Variants in CORO2B observed in about 807,000 individuals in gnomAD.
CORO2B encodes coronin 2B.
Under a neutral mutation model 58.8 loss-of-function variants are expected in CORO2B, and 26 were observed. The ratio of observed to expected loss-of-function variants is 0.44; its 90% CI spans 0.32 to 0.61. The LOEUF is 0.61. Among genes scored for constraint, CORO2B ranks in the 20% least tolerant of loss-of-function variants. The pLI is 0.04. For synonymous variants in CORO2B, 242 were observed against 253.8 expected (o/e 0.95, Z 0.44); for missense variants, 460 against 645.1 (o/e 0.71, Z 3.11).
At chr15:68,616,675 C>CTAGCCCTCGCCCATGG in intron 1 of CORO2B, 1 of 940,928 alleles carries the variant, frequency 1.1e-6, no homozygotes, top group Non-Finnish European at 1.3e-6. Flanking sequence ...ATGTCATCTG[C>CTAGCCCTCGCCCATGG]GAGATCTCCC....
At chr15:68,656,144 A>AC (rs1248760813) in intron 2 of CORO2B, among the ~76,000 whole-genome samples, 2 of 102,808 alleles carry the variant, frequency 1.9e-5, no homozygotes, top group Admixed American at 1.0e-4. Context: ...ACTGCTGCCC[A>AC]CCCCTCCCCC....
chr15:68,692,598 T>TA (rs78604550), intron 2 of CORO2B, among the ~76,000 whole-genome samples: 89,410 of 143,440 alleles, frequency 0.62, 29,967 homozygotes, highest in East Asian at 0.93. Context: ...AGCAAATAAA[T>TA]AAAAAAAATT....
chr15:68,569,289 C>CTGT, the CORO2B span, among the ~76,000 whole-genome samples: 74 of 152,328 alleles, frequency 4.9e-4, no homozygotes, highest in Non-Finnish European at 8.5e-4. Flanking sequence ...TGTGCTCCAC[C>CTGT]TGTTCATCCC....
At chr15:68,701,478 A>ATTTTTTTTTTTT (rs71145193) in intron 3 of CORO2B, among the ~76,000 whole-genome samples, 1 of 38,850 alleles carries the variant, frequency 2.6e-5, no homozygotes, top group Non-Finnish European at 4.5e-5. Flanking sequence ...CGCCCGGCTA[A>ATTTTTTTTTTTT]TTTTTTTTTT....
intron 1 of CORO2B, among the ~76,000 whole-genome samples, chr15:68,587,091 C>A (rs1265157413): frequency 7.1e-6 from 1 of 140,272 alleles, no homozygotes; most frequent in East Asian, 2.1e-4. Flanking sequence ...CACACACACA[C>A]ACACAATTTT....
chr15:68,677,277 A>G (rs1902619659), intron 2 of CORO2B, among the ~76,000 whole-genome samples: 1 of 152,048 alleles, frequency 6.6e-6, no homozygotes, highest in Non-Finnish European at 1.5e-5. Context: ...GGTCATTCCC[A>G]CTGGGCCTGA....
chr15:68,637,957 T>C (rs776269941), intron 1 of CORO2B, among the ~76,000 whole-genome samples: 4 of 152,240 alleles, frequency 2.6e-5, no homozygotes, highest in South Asian at 2.1e-4. Flanking sequence ...GAGGACAGGA[T>C]ACAATTTGCT....
Position 68,725,852 on chromosome 15 carries a change from A to G in CORO2B, c.1321A>G (p.Met441Val), listed in dbSNP as rs1302124016. 4 of 1,613,658 alleles carry G rather than the reference A, an allele frequency of 2.5e-6. No homozygotes were observed. Among genetic ancestry groups the G allele is most frequent in the Non-Finnish European group, 2.5e-6 (3 of 1,179,954 alleles). ...PPRTENELLR[M>V]FFRQQDEIRR... ...TCTTCCTCCACCCCAGCTCCTTCGA[A>G]TGTTCTTCCGGCAGCAGGATGAGAT... The change falls in exon 12 of 12, where the codon ATG becomes GTG. Residue 441 changes from methionine (M) to valine (V), a missense_variant. Coordinates refer to ENST00000261861, the MANE Select transcript of CORO2B (RefSeq NM_006091.5).
the CORO2B span, among the ~76,000 whole-genome samples, chr15:68,541,054 A>G: frequency 1.3e-5 from 2 of 151,976 alleles, no homozygotes; most frequent in African/African-American, 4.8e-5. Context: ...ATATTGTAAA[A>G]CCCCATCTCT....
chr15:68,623,376 C>A (rs939106265), intron 1 of CORO2B, among the ~76,000 whole-genome samples: 1 of 152,084 alleles, frequency 6.6e-6, no homozygotes, highest in Non-Finnish European at 1.5e-5. Context: ...CTTTGCACCA[C>A]CATTGGAAGG....
chr15:68,554,038 C>T, the CORO2B span, among the ~76,000 whole-genome samples: 1 of 152,072 alleles, frequency 6.6e-6, no homozygotes, highest in African/African-American at 2.4e-5. Context: ...GAGCAGTAGT[C>T]CAGAAGGAAG....
intron 1 of CORO2B, among the ~76,000 whole-genome samples, chr15:68,635,165 C>T (rs546006493): frequency 2.0e-4 from 30 of 152,298 alleles, no homozygotes; most frequent in African/African-American, 6.0e-4. Flanking sequence ...AGGTTTTCCA[C>T]CTTCACTCCT....
intron 1 of CORO2B, among the ~76,000 whole-genome samples, chr15:68,588,998 T>G (rs1899635892): frequency 6.6e-6 from 1 of 152,214 alleles, no homozygotes; most frequent in African/African-American, 2.4e-5. Context: ...CTGATAACTT[T>G]ATCATCACAA....
intron 11 of CORO2B, among the ~76,000 whole-genome samples, chr15:68,725,493 T>C (rs2034168735): frequency 6.6e-6 from 1 of 152,060 alleles, no homozygotes; most frequent in African/African-American, 2.4e-5. Flanking sequence ...TAATAATACA[T>C]CTATTAATAC....
the CORO2B span, among the ~76,000 whole-genome samples, chr15:68,544,631 T>A: frequency 6.6e-6 from 1 of 152,108 alleles, no homozygotes; most frequent in Admixed American, 6.5e-5. Flanking sequence ...TTGATTTTGG[T>A]CTCCATTATG....
upstream of CORO2B, among the ~76,000 whole-genome samples, chr15:68,575,581 C>CCCCA (rs1028353064): frequency 1.1e-5 from 1 of 92,902 alleles, no homozygotes; most frequent in Non-Finnish European, 2.7e-5. Context: ...TGATCTGCCC[C>CCCCA]CGCCTCGGCC....
chr15:68,546,321 T>C, the CORO2B span, among the ~76,000 whole-genome samples: 9 of 152,188 alleles, frequency 5.9e-5, no homozygotes, highest in Non-Finnish European at 1.2e-4. Context: ...TCTTTTCTGT[T>C]TTCTCACCTT....
intron 2 of CORO2B, among the ~76,000 whole-genome samples, chr15:68,671,762 T>G (rs1249746855): frequency 6.6e-6 from 1 of 152,104 alleles, no homozygotes; most frequent in African/African-American, 2.4e-5. Flanking sequence ...CTCCTCTGAG[T>G]GGTGATCCAG....
intron 1 of CORO2B, among the ~76,000 whole-genome samples, chr15:68,635,738 A>T (rs1282109990): frequency 6.6e-6 from 1 of 152,168 alleles, no homozygotes; most frequent in African/African-American, 2.4e-5. Context: ...CTCTGTGCAG[A>T]GTGAATATTG....
Sources: gnomAD v4.1 joint callset for allele counts (sites outside exome capture counted in the v4.1 genomes callset) on GRCh38, gnomAD v4.1.1 for gene constraint, MANE v1.5 for transcripts, NCBI Gene and HGNC (gene_info 2026-07-23, HGNC 2026-07-21) for gene names.